The following EMB variants were observed in gnomAD, a reference collection of about 807,000 sequenced individuals.
EMB encodes embigin homolog.
Under a neutral mutation model 41.4 loss-of-function variants are expected in EMB, and 31 were observed. That is an observed-to-expected ratio of 0.75 (90% CI 0.56 to 1.01). The LOEUF (loss-of-function observed/expected upper bound fraction) is 1.01. EMB is among the 50% of genes least tolerant of loss of function. EMB has a pLI of 0.00. For synonymous variants in EMB, 137 were observed against 140.4 expected, an observed-to-expected ratio of 0.98 and a Z score of 0.17; for missense variants, 379 against 388.3, an observed-to-expected ratio of 0.98 and a Z score of 0.20.
At chr5:50,433,242 T>G (rs1207688876) in intron 1 of EMB, among the ~76,000 whole-genome samples, 1 of 152,190 alleles carries the variant, frequency 6.6e-6, no homozygotes, top group Non-Finnish European at 1.5e-5. Flanking sequence ...GACAAGGTTT[T>G]TTTTTTAAGG....
chr5:50,437,286 G>C lies in EMB; in HGVS notation c.112+3754C>G, dbSNP rs1169243872. On this transcript the variant is annotated intron_variant, in intron 1 of 8. Transcript: ENST00000303221. The stretch of plus-strand genomic sequence containing the variant: ...ACCCTGTCTCAAAAATTAAATGAAT[G>C]AATGAATGAATAAATAAATAAAAGT... Among the ~76,000 whole-genome samples the C allele has an allele frequency of 2.0e-5, 3 of 152,158 alleles. 1 individual carries two copies. Among genetic ancestry groups the C allele is most frequent in the African/African-American group, 7.2e-5 (3 of 41,490 alleles).
At chr5:50,399,772 G>A in intron 8 of EMB, 87 bp downstream of exon 8, 1 of 1,048,084 alleles carries the variant, frequency 9.5e-7, no homozygotes, top group East Asian at 2.4e-5. Context: ...ATCTTTTATG[G>A]AACTAAAAAA....
At chr5:50,442,081 T>C (rs1046678567), upstream of EMB, among the ~76,000 whole-genome samples, 76 of 152,320 alleles carry the variant, frequency 5.0e-4, no homozygotes, top group Non-Finnish European at 1.5e-4. Flanking sequence ...ATTGATTTGA[T>C]TTCTCTCCAG....
chr5:50,433,076 T>TC (rs1745748118), intron 1 of EMB, among the ~76,000 whole-genome samples: 1 of 150,934 alleles, frequency 6.6e-6, no homozygotes, highest in African/African-American at 2.4e-5. Flanking sequence ...AGACTCTGTC[T>TC]CCAAAAAAAA....
At chr5:50,405,908 T>G in intron 4 of EMB, 56 bp from the exon 5 acceptor site, 1 of 1,501,806 alleles carries the variant, frequency 6.7e-7, no homozygotes, top group Non-Finnish European at 8.9e-7. Context: ...AAAGGAAATG[T>G]ATTAAATGTG....
intron 2 of EMB, among the ~76,000 whole-genome samples, chr5:50,416,514 GA>G (rs2111812541): frequency 6.6e-6 from 1 of 152,218 alleles, no homozygotes; most frequent in Non-Finnish European, 1.5e-5. Context: ...TCTTTATTAA[GA>G]AAAAGAAAAT....
chr5:50,401,750 T>C (rs1745165851), intron 7 of EMB, among the ~76,000 whole-genome samples: 1 of 151,982 alleles, frequency 6.6e-6, no homozygotes, highest in Non-Finnish European at 1.5e-5. Context: ...GCCAGTGATT[T>C]TCAACAGACA....
chr5:50,428,063 C>A, intron 2 of EMB, 81 bp downstream of exon 2: 2 of 974,594 alleles, frequency 2.1e-6, no homozygotes, highest in East Asian at 2.4e-5. Context: ...CTTCGCAAAG[C>A]AAAAAGCAGT....
At chr5:50,431,245 T>G (rs1056020838) in intron 1 of EMB, among the ~76,000 whole-genome samples, 1 of 152,184 alleles carries the variant, frequency 6.6e-6, no homozygotes, top group African/African-American at 2.4e-5. Context: ...CAGAAATGCC[T>G]TAAGTGGAAA....
At chr5:50,428,930 C>T (rs1416618577) in intron 1 of EMB, among the ~76,000 whole-genome samples, 7 of 151,952 alleles carry the variant, frequency 4.6e-5, no homozygotes, top group Non-Finnish European at 7.4e-5. Context: ...GAGTCTCACT[C>T]AGTTGCCCAG....
chr5:50,426,822 G>A (rs1486139898), intron 2 of EMB, among the ~76,000 whole-genome samples: 1 of 148,908 alleles, frequency 6.7e-6, no homozygotes, highest in African/African-American at 2.5e-5. Flanking sequence ...GGTTCATAAG[G>A]TAAAAATTGA....
intron 2 of EMB, among the ~76,000 whole-genome samples, chr5:50,415,157 C>T (rs1007391163): frequency 1.3e-5 from 2 of 152,132 alleles, no homozygotes; most frequent in African/African-American, 2.4e-5. Flanking sequence ...GTTGATTCTA[C>T]CGCTAAAATG....
At position 50,403,218 on chromosome 5, in the gene EMB, C is replaced by T; in HGVS notation, c.837G>A (p.Leu279=). Residue 279 remains leucine, a synonymous_variant, in exon 6 of 9, where the codon CTG becomes CTA. Coordinates refer to ENST00000303221, the MANE Select transcript of EMB (RefSeq NM_198449.3). ...AEVILLVATI[L]LCEKYTQKKK... ...TCTTTTGTGTGTACTTTTCACAAAG[C>T]AGAATGGTGGCCACTAAAAGAATCA... is the stretch of plus-strand genomic sequence containing the variant. 1.2e-6 allele frequency: 2 copies of T among 1,611,788 alleles called. No individual in the cohort carries two copies. Among genetic ancestry groups the T allele is most frequent in the Non-Finnish European group, 1.7e-6 (2 of 1,178,838 alleles).
At chr5:50,426,057 A>G (rs1040559715) in intron 2 of EMB, among the ~76,000 whole-genome samples, 2 of 152,228 alleles carry the variant, frequency 1.3e-5, no homozygotes, top group African/African-American at 4.8e-5. Flanking sequence ...ATTGTTTACT[A>G]CATCATTTCA....
chr5:50,424,265 ATT>A (rs1352245473), intron 2 of EMB, among the ~76,000 whole-genome samples: 1 of 152,086 alleles, frequency 6.6e-6, no homozygotes, highest in Non-Finnish European at 1.5e-5. Context: ...GGGTTTTCAG[ATT>A]TTCTAATTTA....
In EMB at chr5:50,403,323, G is replaced by A. The variant is rs145706448; in HGVS notation, c.732C>T (p.Gly244=). 376 of 1,612,668 alleles carry A rather than the reference G, an allele frequency of 2.3e-4. No homozygotes were observed. Among genetic ancestry groups the A allele is most frequent in the Non-Finnish European group, 3.0e-4 (348 of 1,179,206 alleles). Residue 244 remains glycine (G), a synonymous_variant, in exon 6 of 9, where the codon GGC becomes GGT. Transcript: ENST00000303221. ...SYWCRALFQL[G]ESEEHIELVV... is the part of the protein sequence containing the mutation. ...CAAGCTCAATGTGTTCTTCACTCTCGCCTAATTGGAATAGTGCACGGCACC... is the reference window on the plus strand; with the variant it reads ...CAAGCTCAATGTGTTCTTCACTCTCACCTAATTGGAATAGTGCACGGCACC...
At chr5:50,408,123 G>T (rs546549388) in intron 4 of EMB, among the ~76,000 whole-genome samples, 1 of 151,848 alleles carries the variant, frequency 6.6e-6, no homozygotes, top group Non-Finnish European at 1.5e-5. Context: ...TACTTCCAGG[G>T]GAAGACAGAT....
intron 5 of EMB, among the ~76,000 whole-genome samples, chr5:50,404,070 A>G (rs1027172407): frequency 6.6e-6 from 1 of 151,908 alleles, no homozygotes; most frequent in Admixed American, 6.6e-5. Context: ...GCTGGCTTCT[A>G]AGATTTGCTG....
intron 2 of EMB, among the ~76,000 whole-genome samples, chr5:50,419,978 A>G (rs1052472730): frequency 2.6e-5 from 4 of 152,164 alleles, no homozygotes; most frequent in African/African-American, 9.7e-5. Flanking sequence ...GAGCTGAACA[A>G]TAAGAACACA....
Sources: allele counts gnomAD v4.1 joint callset (sites outside exome capture counted in the v4.1 genomes callset), GRCh38; gene constraint gnomAD v4.1.1; transcripts MANE v1.5; gene names NCBI Gene and HGNC (gene_info 2026-07-23, HGNC 2026-07-21).